Variants in MAP4K1 observed in about 807,000 individuals in gnomAD.
The protein encoded by MAP4K1 is MAPK/ERK kinase kinase kinase 1.
Under a neutral mutation model 122.8 loss-of-function variants are expected in MAP4K1, and 35 were observed. That is an observed-to-expected ratio of 0.29 (90% CI 0.22 to 0.38). MAP4K1 has a LOEUF of 0.38. Among genes scored for constraint, MAP4K1 ranks in the 10% least tolerant of loss-of-function variants. The pLI is 1.00. For missense variants in MAP4K1, 791 were observed against 1,072.6 expected (o/e 0.74, Z 3.67); for synonymous variants, 412 against 421.3 (o/e 0.98, Z 0.27).
intron 22 of MAP4K1, among the ~76,000 whole-genome samples, chr19:38,598,506 A>G (rs1255239380): frequency 6.6e-6 from 1 of 151,672 alleles, no homozygotes; most frequent in Non-Finnish European, 1.5e-5. Context: ...TTTTTTTTTA[A>G]TTTTTAGTAG....
intron 11 of MAP4K1, among the ~76,000 whole-genome samples, chr19:38,610,575 G>A (rs1369872748): frequency 6.6e-6 from 1 of 151,568 alleles, no homozygotes; most frequent in East Asian, 1.9e-4. Context: ...TAGTAGAGAC[G>A]GGGTTTCACC....
At chr19:38,612,560 G>C in intron 9 of MAP4K1, 51 bp downstream of exon 9, 1 of 1,548,650 alleles carries the variant, frequency 6.5e-7, no homozygotes, top group Non-Finnish European at 8.7e-7. Flanking sequence ...GGTGGGCTTT[G>C]GGCCAGGGCT....
chr19:38,599,085 T>G (rs1974980980), intron 22 of MAP4K1, among the ~76,000 whole-genome samples: 1 of 148,192 alleles, frequency 6.7e-6, no homozygotes, highest in Non-Finnish European at 1.5e-5. Context: ...TCCCAGCACT[T>G]TGGGAGGCCA....
intron 28 of MAP4K1, 26 bp downstream of exon 28, chr19:38,595,614 C>T (rs779527666): frequency 1.7e-5 from 28 of 1,613,932 alleles, no homozygotes; most frequent in Admixed American, 1.3e-4. Flanking sequence ...ACCCCTGATC[C>T]TGGGCTCTCC....
At chr19:38,608,482 T>G (rs1975396336) in intron 13 of MAP4K1, among the ~76,000 whole-genome samples, 1 of 151,592 alleles carries the variant, frequency 6.6e-6, no homozygotes, top group South Asian at 2.1e-4. Flanking sequence ...CAAGAACCCA[T>G]CCCTACAAAA....
intron 19 of MAP4K1, among the ~76,000 whole-genome samples, chr19:38,603,223 TAC>T (rs1975200100): frequency 6.8e-6 from 1 of 146,956 alleles, no homozygotes. Context: ...TATACACATA[TAC>T]ATATACACAT....
intron 13 of MAP4K1, 51 bp downstream of exon 13, chr19:38,609,545 T>G (rs1459340522): frequency 6.5e-7 from 1 of 1,535,050 alleles, no homozygotes; most frequent in South Asian, 1.2e-5. Context: ...GGTGGTCTCT[T>G]AGGTCTATTA....
rs1975412425 is a variant in MAP4K1 at position 38,608,829 on chromosome 19, A to AAAAAAAAAAC, written c.1007-660_1007-659insGTTTTTTTTT. Among the ~76,000 whole-genome samples, 3 of 145,530 alleles carry AAAAAAAAAAC rather than the reference A, an allele frequency of 2.1e-5. No individual in the cohort carries two copies. The Admixed American group carries it at 2.1e-4, about 10-fold the overall frequency. ...AAAAAAAAAAAAAAAAAAAAAAAAA[A>AAAAAAAAAAC]CATTAGCCACGCGTGGTGAATAAGC... On this transcript the variant is annotated intron_variant, in intron 13 of 30. Coordinates refer to ENST00000396857, the MANE Select transcript of MAP4K1 (RefSeq NM_001042600.3).
rs1555811720 is a variant in MAP4K1 at position 38,608,828 on chromosome 19, A to AAAAAAAAAC, written c.1007-659_1007-658insGTTTTTTTT. Among the ~76,000 whole-genome samples, 23 of 137,246 alleles carry AAAAAAAAAC rather than the reference A, an allele frequency of 1.7e-4. 1 individual carries two copies. The highest frequency in any genetic ancestry group is 4.5e-4 in the East Asian group (2 of 4,426). 90.0% of individuals were successfully genotyped at this position (137,246 alleles called of 152,430 possible). A position where few individuals can be genotyped will look rare whatever the true frequency, so the allele number is the denominator to read the frequency against. On this transcript the variant is annotated intron_variant, in intron 13 of 30. Transcript: ENST00000396857. Reference sequence around the variant, plus strand: ...AAAAAAAAAAAAAAAAAAAAAAAAAAACATTAGCCACGCGTGGTGAATAAG... The same window carrying AAAAAAAAAC: ...AAAAAAAAAAAAAAAAAAAAAAAAAAAAAAAAAACACATTAGCCACGCGTGGTGAATAAG...
Position 38,609,685 on chromosome 19 carries a change from G to A in MAP4K1, c.928-11C>T. ...GATAGCAGGGGGTAGCTGGGCAGAG[G>A]GGCAGCCACGTCAGGGCTCAAGACC... On this transcript the variant is annotated splice_polypyrimidine_tract_variant and intron_variant, in intron 12 of 30. Transcript: ENST00000396857. 1 of 1,607,502 alleles carries A rather than the reference G, an allele frequency of 6.2e-7. No homozygotes were observed. The highest frequency in any genetic ancestry group is 1.1e-5 in the South Asian group (1 of 90,030).
In MAP4K1 at chr19:38,605,405, T is replaced by A. The variant is rs1481366948; in HGVS notation, c.1446+4A>T. The A allele has an allele frequency of 1.4e-6, 2 of 1,445,032 alleles. No homozygotes were observed. The highest frequency in any genetic ancestry group is 1.9e-6 in the Non-Finnish European group (2 of 1,074,880). The allele number at this position is 1,445,032 out of a possible 1,614,324, so 89.5% of individuals were successfully genotyped here. Reference sequence around the variant, plus strand: ...TGTAAGTCCTCAGCAGAGCTGAACCTCACCTTTCTCTTCATCTTTTCCTTC... The same window carrying A: ...TGTAAGTCCTCAGCAGAGCTGAACCACACCTTTCTCTTCATCTTTTCCTTC... On this transcript the variant is annotated splice_donor_region_variant and intron_variant, in intron 19 of 30. Coordinates refer to ENST00000396857, the MANE Select transcript of MAP4K1 (RefSeq NM_001042600.3).
intron 30 of MAP4K1, among the ~76,000 whole-genome samples, chr19:38,590,388 AAAAAAAATATATATATATATATAT>A (rs1303000114): frequency 0.012 from 578 of 48,794 alleles, 31 homozygotes; most frequent in Middle Eastern, 0.043. Context: ...AAAAAAAAAA[AAAAAAAATATATATATATATATAT>A]ATATATATAT....
chr19:38,612,600 C>A lies in MAP4K1; in HGVS notation c.665+11G>T, dbSNP rs190075386. On this transcript the variant is annotated intron_variant, in intron 9 of 30. Coordinates refer to ENST00000396857, the MANE Select transcript of MAP4K1 (RefSeq NM_001042600.3). ...AGGATCTCTGGGCCTGGGGACCCCA[C>A]GCCTGCCTACCTGAGAGGGTGCACA... 1.9e-6 allele frequency: 3 copies of A among 1,609,970 alleles called. No individual in the cohort carries two copies. Among genetic ancestry groups the A allele is most frequent in the Middle Eastern group, 1.7e-4 (1 of 5,856 alleles).
At chr19:38,605,341 C>T (rs1975291966) in intron 19 of MAP4K1, 68 bp downstream of exon 19, 1 of 1,178,766 alleles carries the variant, frequency 8.5e-7, no homozygotes, top group Non-Finnish European at 1.2e-6. Context: ...CTGCCACCCC[C>T]TCCCCACCCC....
intron 18 of MAP4K1, 37 bp from the exon 19 acceptor site, chr19:38,605,528 C>T (rs1454507758): frequency 6.5e-7 from 1 of 1,533,110 alleles, no homozygotes; most frequent in East Asian, 2.4e-5. Flanking sequence ...CCCCAAGAAC[C>T]CCCAACCCTC....
In MAP4K1 at chr19:38,611,374, TC is replaced by T. The variant is rs1459373715; in HGVS notation, c.666-70del. 8 of 1,032,058 alleles carry T rather than the reference TC, an allele frequency of 7.8e-6. No individual in the cohort carries two copies. The African/African-American group carries it at 1.3e-4, about 16-fold the overall frequency. The allele number at this position is 1,032,058 out of a possible 1,614,324, so 63.9% of individuals were successfully genotyped here. On this transcript the variant is annotated intron_variant, in intron 9 of 30. Transcript: ENST00000396857. ...GGCCAGACCTCATGGCTTGAGGGGT[TC>T]CTAGTAGCATTGTGGTCAGCAGAGG...
chr19:38,596,470 A>G lies in MAP4K1; in HGVS notation c.1958T>C (p.Leu653Pro). The G allele has an allele frequency of 1.3e-6, 2 of 1,569,358 alleles. No individual in the cohort carries two copies. Among genetic ancestry groups the G allele is most frequent in the Non-Finnish European group, 1.7e-6 (2 of 1,161,034 alleles). The change falls in exon 26 of 31, where the codon CTG (leucine) becomes CCG (proline). Residue 653 changes from leucine (L) to proline (P), a missense_variant. By Grantham distance (98) the Leu-to-Pro change is moderately conservative. Around this residue, in one of 4 missense-constraint regions of MAP4K1, gnomAD observed 267 missense variants for 323.0 expected, o/e 0.83. Transcript: ENST00000396857. The part of the protein sequence containing the change: ...FLLVRQVLFP[L>P]PTPLSVFALL... ...CGCGAACACGGACAGAGGCGTCGGC[A>G]GTGGGAACAGCACCTGCTGCGGGCC...
intron 22 of MAP4K1, among the ~76,000 whole-genome samples, chr19:38,599,012 CAAAAAAAAAAAA>C (rs944497385): frequency 2.6e-5 from 1 of 38,000 alleles, no homozygotes; most frequent in African/African-American, 1.0e-4. Context: ...GAGTCTATCT[CAAAAAAAAAAAA>C]AAAAAAAAAA....
intron 30 of MAP4K1, among the ~76,000 whole-genome samples, chr19:38,592,917 C>CAAATAAATA (rs1387909622): frequency 6.0e-5 from 9 of 151,146 alleles, no homozygotes; most frequent in African/African-American, 2.0e-4. Context: ...AACTCCATCT[C>CAAATAAATA]AATAAATAAA....
Sources: gnomAD v4.1 joint callset for allele counts (sites outside exome capture counted in the v4.1 genomes callset) on GRCh38, gnomAD v4.1.1 for gene constraint, gnomAD v4.1.1 regional missense constraint, MANE v1.5 for transcripts, NCBI Gene and HGNC (gene_info 2026-07-23, HGNC 2026-07-21) for gene names.